Variants in ZNF17 observed in about 807,000 individuals in gnomAD.
The protein encoded by ZNF17 is zinc finger protein 17.
Under a neutral mutation model 7.7 loss-of-function variants are expected in ZNF17, and 4 were observed. The observed-to-expected ratio is 0.52, with a 90% CI of 0.26 to 1.20. ZNF17 has a LOEUF of 1.20. ZNF17 is among the 50% of genes most tolerant of loss of function. ZNF17 has a pLI of 0.14. For synonymous variants in ZNF17, 249 were observed against 258.8 expected, an observed-to-expected ratio of 0.96 and a Z score of 0.36; for missense variants, 738 against 799.5, an observed-to-expected ratio of 0.92 and a Z score of 0.93.
chr19:57,412,514 G>C (rs1376911244), intron 1 of ZNF17, among the ~76,000 whole-genome samples: 1 of 150,726 alleles, frequency 6.6e-6, no homozygotes, highest in East Asian at 1.9e-4. Flanking sequence ...GCGCGATCTC[G>C]GCTCACTGCA....
rs749435951 is a variant in ZNF17, at chr19:57,421,367, C to G, written c.1881C>G (p.Leu627=). The change falls in exon 4 of 4, where the codon CTC becomes CTG. Residue 627 remains leucine, a synonymous_variant. Transcript: ENST00000307658. ...AAGTCTTTAGATACAACTCCAGCCT[C>G]ATTAAACATCGGAGAATTCACACTG... The part of the protein sequence containing the change: ...CGKVFRYNSS[L]IKHRRIHTGE... The G allele has an allele frequency of 6.2e-7, 1 of 1,613,900 alleles. No individual in the cohort carries two copies. The highest frequency in any genetic ancestry group is 1.3e-5 in the African/African-American group (1 of 74,948).
chr19:57,421,669 G>A lies in ZNF17; in HGVS notation c.*188G>A, dbSNP rs2088853055. The A allele has an allele frequency of 9.6e-6, 6 of 624,768 alleles. No individual in the cohort carries two copies. Among genetic ancestry groups the A allele is most frequent in the Non-Finnish European group, 1.5e-5 (6 of 394,652 alleles). 38.7% of individuals were successfully genotyped at this position (624,768 alleles called of 1,614,324 possible). ...ATTCACATTGTGCAATGAATATCTA[G>A]AAGTCTTTTCAACTTATGAAACTAA... is the stretch of plus-strand genomic sequence containing the variant. On this transcript the variant is annotated 3_prime_UTR_variant, in exon 4 of 4. Transcript: ENST00000307658.
rs374568984 is a variant in ZNF17, at chr19:57,411,414, C to T, written c.-21+8C>T. The T allele has an allele frequency of 2.5e-6, 4 of 1,610,904 alleles. No homozygotes were observed. The highest frequency in any genetic ancestry group is 3.4e-6 in the Non-Finnish European group (4 of 1,179,396). On this transcript the variant is annotated splice_region_variant and intron_variant, in intron 1 of 3. Coordinates refer to ENST00000307658, the MANE Select transcript of ZNF17 (RefSeq NM_001330617.2). The stretch of plus-strand genomic sequence containing the variant: ...CCGATGAACCTGACTGAGGTGGGTG[C>T]CGCGTCCCAGGGCGCCCCGCCCGAT...
intron 2 of ZNF17, among the ~76,000 whole-genome samples, 160 bp downstream of exon 2, chr19:57,413,796 C>T (rs750109829): frequency 6.6e-6 from 1 of 152,078 alleles, no homozygotes; most frequent in Non-Finnish European, 1.5e-5. Flanking sequence ...AACTCAGTGC[C>T]TGGTTATATA....
chr19:57,411,577 C>T lies in ZNF17; in HGVS notation c.-21+171C>T, dbSNP rs75810496. 3,104 of 1,428,982 alleles carry T rather than the reference C, an allele frequency of 2.2e-3. 124 individuals carry two copies. The East Asian group carries it at 0.063, about 29-fold the overall frequency. 88.5% of individuals were successfully genotyped at this position (1,428,982 alleles called of 1,614,324 possible). On this transcript the variant is annotated intron_variant, in intron 1 of 3. Transcript: ENST00000307658. ...GGGGAGCTCCTGTCAGGGACCTGCA[C>T]GTGCGAGGCTTAGAGGTGCTGCAGA...
intron 1 of ZNF17, among the ~76,000 whole-genome samples, chr19:57,413,123 C>G (rs1295808798): frequency 2.6e-5 from 4 of 151,922 alleles, no homozygotes; most frequent in Non-Finnish European, 4.4e-5. Context: ...GTGATCCGCC[C>G]ACCTCGGCCT....
intron 2 of ZNF17, among the ~76,000 whole-genome samples, chr19:57,416,909 G>C (rs569531057): frequency 1.3e-5 from 2 of 152,252 alleles, no homozygotes; most frequent in African/African-American, 4.8e-5. Flanking sequence ...AGCAGGTACA[G>C]GTGCCATGAA....
chr19:57,417,990 C>T lies in ZNF17; in HGVS notation c.100C>T (p.Leu34=). The T allele has an allele frequency of 6.2e-7, 1 of 1,614,118 alleles. No homozygotes were observed. Among genetic ancestry groups the T allele is most frequent in the Non-Finnish European group, 8.5e-7 (1 of 1,180,038 alleles). The change falls in exon 3 of 4, where the codon CTG becomes TTG. Residue 34 remains leucine, a synonymous_variant. Coordinates refer to ENST00000307658, the MANE Select transcript of ZNF17 (RefSeq NM_001330617.2). The stretch of plus-strand genomic sequence containing the variant: ...AATTCTTAATGACGTTCAGAGACAC[C>T]TGCACAGCGATGTGATGCTGGAGAA... ...WGILNDVQRH[L]HSDVMLENFA...
chr19:57,417,933 G>A lies in ZNF17; in HGVS notation c.43G>A (p.Val15Met), dbSNP rs374334357. 36 of 1,613,808 alleles carry A rather than the reference G, an allele frequency of 2.2e-5. No homozygotes were observed. In the African/African-American group the frequency reaches 4.3e-4, roughly 19 times the overall value. The change falls in exon 3 of 4, where the codon GTG becomes ATG. Residue 15 changes from valine to methionine, a missense_variant. By Grantham distance (21) the Val-to-Met change is conservative. This residue lies in a region of ZNF17 where 616 missense variants were observed against 663.9 expected (regional missense o/e 0.93). Transcript: ENST00000307658. ...GCAGGATTATATGGTTTTTGAGGAC[G>A]TGGCCATACATTTCTCCCAGGAGGA... is the stretch of plus-strand genomic sequence containing the variant. ...AGQDYMVFED[V>M]AIHFSQEEWG...
rs774952249 is a variant in ZNF17 at position 57,420,689 on chromosome 19, C to T, written c.1203C>T (p.Ser401=). The T allele has an allele frequency of 4.3e-6, 7 of 1,613,256 alleles. No homozygotes were observed. Among genetic ancestry groups the T allele is most frequent in the Non-Finnish European group, 5.1e-6 (6 of 1,179,808 alleles). ...NECGKFFRYR[S]TLIRHQKVHT... ...GTGGGAAATTCTTTAGATACCGTTCCACACTCATTAGACATCAGAAAGTTC... is the reference window on the plus strand; with the variant it reads ...GTGGGAAATTCTTTAGATACCGTTCTACACTCATTAGACATCAGAAAGTTC... The change falls in exon 4 of 4, where the codon TCC becomes TCT. Residue 401 remains serine (S), a synonymous_variant. Transcript: ENST00000307658.
chr19:57,420,058 A>C lies in ZNF17; in HGVS notation c.572A>C (p.Asn191Thr), dbSNP rs776331717. 1.9e-6 allele frequency: 3 copies of C among 1,614,212 alleles called. No homozygotes were observed. The highest frequency in any genetic ancestry group is 2.2e-5 in the South Asian group (2 of 91,076). The change falls in exon 4 of 4, where the codon AAT becomes ACT. Residue 191 changes from asparagine (N) to threonine (T), a missense_variant. Physicochemically the swap from Asn to Thr is moderately conservative, Grantham distance 65 (BLOSUM62 0). Transcript: ENST00000307658. The part of the protein sequence containing the change: ...GVEAFQSGQN[N>T]YSCTQCGKDF... ...GAGGCCTTTCAAAGTGGACAGAATA[A>C]TTACAGCTGCACCCAATGTGGGAAA... is the stretch of plus-strand genomic sequence containing the variant.
intron 3 of ZNF17, among the ~76,000 whole-genome samples, chr19:57,418,720 C>T (rs1026878084): frequency 6.6e-6 from 1 of 152,086 alleles, no homozygotes; most frequent in Non-Finnish European, 1.5e-5. Context: ...GGGCTGGGTT[C>T]ACATCACACT....
chr19:57,411,628 G>T, intron 1 of ZNF17: 1 of 1,372,116 alleles, frequency 7.3e-7, no homozygotes, highest in Non-Finnish European at 9.4e-7. Context: ...GAGCCCGAGC[G>T]TCTTTGTCTC....
At chr19:57,412,872 ATTTTTCT>A (rs2088787180) in intron 1 of ZNF17, among the ~76,000 whole-genome samples, 1 of 150,428 alleles carries the variant, frequency 6.6e-6, no homozygotes, top group South Asian at 2.1e-4. Flanking sequence ...TTGAATGTTG[ATTTTTCT>A]TTTTTCTTTT....
At chr19:57,415,811 A>T (rs2088807920) in intron 2 of ZNF17, among the ~76,000 whole-genome samples, 1 of 152,094 alleles carries the variant, frequency 6.6e-6, no homozygotes, top group South Asian at 2.1e-4. Flanking sequence ...GAGGTCTGGG[A>T]GGGGCTTAGT....
At chr19:57,413,347 T>C in intron 1 of ZNF17, 1 of 453,886 alleles carries the variant, frequency 2.2e-6, no homozygotes, top group Non-Finnish European at 4.0e-6. Context: ...TGCTGATACA[T>C]AGTGTGTACT....
chr19:57,415,955 G>A (rs1179223612), intron 2 of ZNF17, among the ~76,000 whole-genome samples: 1 of 152,102 alleles, frequency 6.6e-6, no homozygotes, highest in Non-Finnish European at 1.5e-5. Context: ...TGGGGATGGT[G>A]TTGGGGAGGT....
At position 57,411,334 on chromosome 19, in the gene ZNF17, C is replaced by T; in HGVS notation, c.-93C>T. 1.3e-6 allele frequency: 2 copies of T among 1,596,376 alleles called. No homozygotes were observed. Among genetic ancestry groups the T allele is most frequent in the South Asian group, 2.3e-5 (2 of 88,288 alleles). On this transcript the variant is annotated 5_prime_UTR_variant, in exon 1 of 4. Transcript: ENST00000307658. The stretch of plus-strand genomic sequence containing the variant: ...AGGCGTTGGTGCCTCTGTCAGCGTC[C>T]AGGTCACTGCCGCTCCCGCCCCGCT...
rs1229639875 is a variant in ZNF17, at chr19:57,421,589, C to A, written c.*108C>A. 8 of 1,259,306 alleles carry A rather than the reference C, an allele frequency of 6.4e-6. No homozygotes were observed. Among genetic ancestry groups the A allele is most frequent in the Admixed American group, 2.7e-5 (1 of 37,366 alleles). The allele number at this position is 1,259,306 out of a possible 1,614,324, so 78.0% of individuals were successfully genotyped here. ...AAGTATTCTTGTAGAATACAGATAA[C>A]ATAAAATCTAACATCTTAACCATGT... On this transcript the variant is annotated 3_prime_UTR_variant, in exon 4 of 4. Transcript: ENST00000307658.
Sources: gnomAD v4.1 joint callset for allele counts (sites outside exome capture counted in the v4.1 genomes callset) on GRCh38, gnomAD v4.1.1 for gene constraint, gnomAD v4.1.1 regional missense constraint, MANE v1.5 for transcripts, NCBI Gene and HGNC (gene_info 2026-07-23, HGNC 2026-07-21) for gene names.